The following RPRD1B variants were observed in gnomAD, a reference collection of about 807,000 sequenced individuals.
RPRD1B encodes the protein regulation of nuclear pre-mRNA domain containing 1B, also known as regulation of nuclear pre-mRNA domain-containing protein 1B.
A neutral mutation model predicts 41.5 loss-of-function variants in RPRD1B; 11 were observed. That is an observed-to-expected ratio of 0.27 (90% CI 0.17 to 0.44). RPRD1B has a LOEUF of 0.44. Ranked by LOEUF, RPRD1B falls within the 20% of genes least tolerant of loss-of-function variation. RPRD1B has a pLI of 1.00. For missense variants in RPRD1B, 248 were observed against 389.9 expected (o/e 0.64, Z 3.06); for synonymous variants, 158 against 155.6 (o/e 1.02, Z -0.12).
At position 38,092,291 on chromosome 20, in the gene RPRD1B, CGTT is replaced by C. The variant is rs981752246; in HGVS notation, c.*2418_*2420del. 7 of 984,934 alleles carry C rather than the reference CGTT, an allele frequency of 7.1e-6. No individual in the cohort carries two copies. Among genetic ancestry groups the C allele is most frequent in the East Asian group, 2.3e-4 (2 of 8,808 alleles). The allele number at this position is 984,934 out of a possible 1,614,324, so 61.0% of individuals were successfully genotyped here. On this transcript the variant is annotated 3_prime_UTR_variant, in exon 7 of 7. Coordinates refer to ENST00000373433, the MANE Select transcript of RPRD1B (RefSeq NM_021215.4). ...AGGACTATTTAGAAGTATAGGCTGTCGTTGGCGGCAGCAGTATATTCTGAAATG... is the reference window on the plus strand; with the variant it reads ...AGGACTATTTAGAAGTATAGGCTGTCGGCGGCAGCAGTATATTCTGAAATG...
In RPRD1B at chr20:38,090,392, G is replaced by A; in HGVS notation, c.*517G>A. 2.0e-6 allele frequency: 2 copies of A among 986,146 alleles called. No homozygotes were observed. Among genetic ancestry groups the A allele is most frequent in the Non-Finnish European group, 2.4e-6 (2 of 830,156 alleles). 61.1% of individuals were successfully genotyped at this position (986,146 alleles called of 1,614,324 possible). ...ACAGCTGTCGTAGCGTTGCCATAAA[G>A]AGTTTGCCAAATCTCTGATCCTCCC... On this transcript the variant is annotated 3_prime_UTR_variant, in exon 7 of 7. Coordinates refer to ENST00000373433, the MANE Select transcript of RPRD1B (RefSeq NM_021215.4).
intron 3 of RPRD1B, chr20:38,049,670 T>C (rs1163034034): frequency 4.3e-6 from 2 of 469,018 alleles, no homozygotes; most frequent in African/African-American, 2.0e-5. Flanking sequence ...ACCTGGCCTA[T>C]TTTTTTCTTT....
At chr20:38,086,954 TG>T (rs1175064391) in intron 6 of RPRD1B, among the ~76,000 whole-genome samples, 1 of 152,144 alleles carries the variant, frequency 6.6e-6, no homozygotes, top group Non-Finnish European at 1.5e-5. Flanking sequence ...GGGTTTTTTT[TG>T]TTTTTTTGTT....
chr20:38,091,557 CCAGAGGCCA>C lies in RPRD1B; in HGVS notation c.*1683_*1691del, dbSNP rs944221093. ...TTAATGAGTCTATAAGGTTTTTCTTCCAGAGGCCATAGGTGACATCACTAAAATTGCAAG... is the reference window on the plus strand; with the variant it reads ...TTAATGAGTCTATAAGGTTTTTCTTCTAGGTGACATCACTAAAATTGCAAG... On this transcript the variant is annotated 3_prime_UTR_variant, in exon 7 of 7. Transcript: ENST00000373433. 3.0e-5 allele frequency: 30 copies of C among 985,360 alleles called. No individual in the cohort carries two copies. In the Admixed American group the frequency reaches 1.5e-3, roughly 50 times the overall value. The allele number at this position is 985,360 out of a possible 1,614,324, so 61.0% of individuals were successfully genotyped here.
intron 6 of RPRD1B, among the ~76,000 whole-genome samples, chr20:38,076,107 GTCCTT>G (rs891562406): frequency 2.0e-5 from 3 of 152,170 alleles, no homozygotes; most frequent in African/African-American, 7.2e-5. Context: ...CCTTTTCCCA[GTCCTT>G]TCCTTTTGCT....
intron 6 of RPRD1B, among the ~76,000 whole-genome samples, chr20:38,085,881 C>T (rs1026662452): frequency 4.6e-5 from 7 of 150,634 alleles, no homozygotes; most frequent in Admixed American, 1.3e-4. Flanking sequence ...TCACTCTCAC[C>T]CAGGCTGGAG....
chr20:38,052,681 G>T (rs1394972539), intron 3 of RPRD1B, among the ~76,000 whole-genome samples: 3 of 148,416 alleles, frequency 2.0e-5, no homozygotes, highest in Non-Finnish European at 3.0e-5. Context: ...GAGTAGAGAA[G>T]GAACAAAAAA....
chr20:38,072,107 A>AT (rs2074418640), intron 6 of RPRD1B, among the ~76,000 whole-genome samples: 1 of 151,830 alleles, frequency 6.6e-6, no homozygotes, highest in Non-Finnish European at 1.5e-5. Context: ...GGTCATGACA[A>AT]TTTTTTTCTG....
chr20:38,057,719 GGC>G, intron 4 of RPRD1B, 75 bp downstream of exon 4: 2 of 1,058,444 alleles, frequency 1.9e-6, no homozygotes, highest in South Asian at 1.3e-5. Context: ...GCCACAAGGT[GGC>G]GCCAGTGACC....
Position 38,033,914 on chromosome 20 carries a change from A to T in RPRD1B, c.-34A>T. On this transcript the variant is annotated 5_prime_UTR_variant, in exon 1 of 7. Transcript: ENST00000373433. The stretch of plus-strand genomic sequence containing the variant: ...CTCTTCCCGCCGCACTGGGCGGCCC[A>T]GGCCGCTCCCTGCCGGGCCTCACTG... 6.3e-7 allele frequency: 1 copy of T among 1,584,828 alleles called. No homozygotes were observed. The highest frequency in any genetic ancestry group is 2.3e-5 in the East Asian group (1 of 44,294).
At chr20:38,067,401 C>T (rs1465056515) in intron 6 of RPRD1B, among the ~76,000 whole-genome samples, 1 of 152,172 alleles carries the variant, frequency 6.6e-6, no homozygotes, top group Non-Finnish European at 1.5e-5. Flanking sequence ...TCAAGAAATA[C>T]TTCTTAAATC....
In RPRD1B at chr20:38,057,566, T is replaced by G. The variant is rs1482835675; in HGVS notation, c.450T>G (p.Phe150Leu). The G allele has an allele frequency of 6.2e-6, 10 of 1,614,178 alleles. No individual in the cohort carries two copies. The highest frequency in any genetic ancestry group is 8.5e-6 in the Non-Finnish European group (10 of 1,180,002). Reference sequence around the variant, plus strand: ...AGAAGAAATCTCTGAAACGAACTTTTCAGCAAATTCAGGAGGAGGAGGATG... The same window carrying G: ...AGAAGAAATCTCTGAAACGAACTTTGCAGCAAATTCAGGAGGAGGAGGATG... ...TEEKKSLKRT[F>L]QQIQEEEDDD... Residue 150 changes from phenylalanine to leucine, a missense_variant, in exon 4 of 7, where the codon TTT (phenylalanine) becomes TTG (leucine). Transcript: ENST00000373433.
At chr20:38,048,227 T>C (rs1266712968) in intron 2 of RPRD1B, 121 bp from the exon 3 acceptor site, 3 of 1,016,596 alleles carry the variant, frequency 3.0e-6, no homozygotes, top group Non-Finnish European at 4.1e-6. Flanking sequence ...GTACCTTATT[T>C]GGTTTTAAAT....
At chr20:38,055,332 A>G (rs983583156) in intron 3 of RPRD1B, among the ~76,000 whole-genome samples, 3 of 152,222 alleles carry the variant, frequency 2.0e-5, no homozygotes, top group African/African-American at 7.2e-5. Context: ...TATCAGAGCA[A>G]ACATCTTTTC....
At chr20:38,040,685 A>C in intron 2 of RPRD1B, 121 bp downstream of exon 2, 2 of 1,055,790 alleles carry the variant, frequency 1.9e-6, no homozygotes, top group South Asian at 1.8e-5. Context: ...AGAGTTGTGG[A>C]GGCCGAATTG....
chr20:38,036,422 T>C (rs899994940), intron 1 of RPRD1B, among the ~76,000 whole-genome samples: 9 of 152,224 alleles, frequency 5.9e-5, no homozygotes, highest in African/African-American at 2.2e-4. Flanking sequence ...TTAGAATTAA[T>C]GAGTGCCTCC....
At chr20:38,038,635 T>C (rs1478972921) in intron 1 of RPRD1B, among the ~76,000 whole-genome samples, 1 of 151,830 alleles carries the variant, frequency 6.6e-6, no homozygotes, top group Non-Finnish European at 1.5e-5. Flanking sequence ...TAGCTGGGAC[T>C]ACAGGCGCCC....
At chr20:38,034,135 G>A in intron 1 of RPRD1B, 37 bp downstream of exon 1, 1 of 1,596,670 alleles carries the variant, frequency 6.3e-7, no homozygotes, top group Non-Finnish European at 8.5e-7. Context: ...ACGGTCCCCG[G>A]ATTGTCCTCT....
intron 6 of RPRD1B, among the ~76,000 whole-genome samples, chr20:38,076,541 T>C (rs1600433831): frequency 6.6e-6 from 1 of 152,336 alleles, no homozygotes; most frequent in East Asian, 1.9e-4. Context: ...CCACCCTCCC[T>C]TTATAACTAC....
Sources: gnomAD v4.1 joint callset for allele counts (sites outside exome capture counted in the v4.1 genomes callset) on GRCh38, gnomAD v4.1.1 for gene constraint, MANE v1.5 for transcripts, NCBI Gene and HGNC (gene_info 2026-07-23, HGNC 2026-07-21) for gene names.